CACNA1A: variants seen among roughly 807,000 people sequenced by gnomAD.
CACNA1A encodes calcium voltage-gated channel subunit alpha1 A.
CACNA1A carries 57 observed loss-of-function variants against 262.4 expected under a neutral mutation model. The ratio of observed to expected loss-of-function variants is 0.22; its 90% CI spans 0.18 to 0.27. CACNA1A has a LOEUF of 0.27. Among genes scored for constraint, CACNA1A ranks in the 10% least tolerant of loss-of-function variants. The pLI is 1.00. For synonymous variants in CACNA1A, 1,431 were observed against 1,419.3 expected (o/e 1.01, Z -0.18); for missense variants, 2,526 against 3,562.8 (o/e 0.71, Z 7.41).
rs371358599 is a variant in CACNA1A, at chr19:13,321,605, C to A, written c.1346-4284G>T. On this transcript the variant is annotated intron_variant, in intron 10 of 46. Transcript: ENST00000360228. Reference sequence around the variant, plus strand: ...TTGTAGCTCCTCGGCTACAAACCTGCCCAGCATGTTACTGTACTTAATACT... The same window carrying A: ...TTGTAGCTCCTCGGCTACAAACCTGACCAGCATGTTACTGTACTTAATACT... Among the ~76,000 whole-genome samples, 5 of 152,174 alleles carry A rather than the reference C, an allele frequency of 3.3e-5. No homozygotes were observed. In the East Asian group the frequency reaches 7.7e-4, roughly 24 times the overall value.
intron 3 of CACNA1A, among the ~76,000 whole-genome samples, chr19:13,405,572 G>A (rs905516666): frequency 1.2e-4 from 19 of 152,130 alleles, no homozygotes; most frequent in African/African-American, 3.6e-4. Flanking sequence ...CTTACAAGGA[G>A]CCGGATACTG....
In CACNA1A at chr19:13,236,803, C is replaced by G. The variant is rs2055892679; in HGVS notation, c.4951-1073G>C. On this transcript the variant is annotated intron_variant, in intron 31 of 46. Transcript: ENST00000360228. This position sits in a 1 kb window ranked among gnomAD's most constrained non-coding sequence, Gnocchi z 4.6. Reference sequence around the variant, plus strand: ...AGTCACTGCCTCTGCCTCCTCCCACCCAAGCTAGAAGAACCAGGGGGCCAG... The same window carrying G: ...AGTCACTGCCTCTGCCTCCTCCCACGCAAGCTAGAAGAACCAGGGGGCCAG... Among the ~76,000 whole-genome samples, 1 of 152,008 alleles carries G rather than the reference C, an allele frequency of 6.6e-6. No individual in the cohort carries two copies. Among genetic ancestry groups the G allele is most frequent in the African/African-American group, 2.4e-5 (1 of 41,388 alleles).
At chr19:13,261,183 G>A (rs2056726185) in intron 26 of CACNA1A, 1 of 373,672 alleles carries the variant, frequency 2.7e-6, no homozygotes, top group Non-Finnish European at 4.8e-6. Context: ...AAGGAACTGT[G>A]GATGTGTATT....
At chr19:13,350,533 G>A (rs1283846057) in intron 6 of CACNA1A, among the ~76,000 whole-genome samples, 6 of 152,124 alleles carry the variant, frequency 3.9e-5, no homozygotes, top group South Asian at 2.1e-4. Flanking sequence ...GTGGCAAACC[G>A]CAGAATCAGT....
intron 6 of CACNA1A, among the ~76,000 whole-genome samples, chr19:13,355,767 A>C (rs1435844720): frequency 6.6e-6 from 1 of 152,148 alleles, no homozygotes; most frequent in Non-Finnish European, 1.5e-5. Flanking sequence ...GGGTTTCCTG[A>C]CAGAAACCTT....
chr19:13,321,707 A>G (rs577400484), intron 10 of CACNA1A, among the ~76,000 whole-genome samples: 1 of 152,284 alleles, frequency 6.6e-6, no homozygotes, highest in South Asian at 2.1e-4. Flanking sequence ...AAAACACAGT[A>G]TAAAAGAGAA....
chr19:13,310,540 T>G (rs2058014358), intron 12 of CACNA1A, among the ~76,000 whole-genome samples: 3 of 127,654 alleles, frequency 2.4e-5, no homozygotes, highest in East Asian at 2.4e-4. Flanking sequence ...AGTTTAATTT[T>G]GTCCACTTGA....
chr19:13,428,801 C>T (rs933535813), intron 3 of CACNA1A, among the ~76,000 whole-genome samples: 2 of 152,002 alleles, frequency 1.3e-5, no homozygotes, highest in Non-Finnish European at 2.9e-5. Context: ...ACGTAGACCC[C>T]GAGAGCCCTC....
At chr19:13,404,193 C>CAG (rs2059961437) in intron 3 of CACNA1A, among the ~76,000 whole-genome samples, 1 of 148,114 alleles carries the variant, frequency 6.8e-6, no homozygotes, top group African/African-American at 2.7e-5. Flanking sequence ...CACATATACA[C>CAG]ACACACACAC....
At position 13,224,617 on chromosome 19, in the gene CACNA1A, C is replaced by A. The variant is rs147309110; in HGVS notation, c.5731+50G>T. 6.3e-6 allele frequency: 8 copies of A among 1,270,732 alleles called. No individual in the cohort carries two copies. In the Admixed American group the frequency reaches 7.9e-5, roughly 13 times the overall value. 78.7% of individuals were successfully genotyped at this position (1,270,732 alleles called of 1,614,324 possible). On this transcript the variant is annotated intron_variant, in intron 38 of 46. Coordinates refer to ENST00000360228, the MANE Select transcript of CACNA1A (RefSeq NM_001127222.2). ...AGTTTGGGGTAGGGAGGGAGATCCC[C>A]GGTTCCACCCTGTCACGCCTGTCTG...
intron 1 of CACNA1A, 62 bp from the exon 2 acceptor site, chr19:13,455,274 C>T (rs545236700): frequency 1.0e-5 from 9 of 899,306 alleles, no homozygotes; most frequent in Non-Finnish European, 1.7e-5. Context: ...GGTGCACCCA[C>T]CCCCACTGAC....
At chr19:13,396,668 GAAT>G in intron 3 of CACNA1A, among the ~76,000 whole-genome samples, 1 of 152,274 alleles carries the variant, frequency 6.6e-6, no homozygotes, top group East Asian at 1.9e-4. Flanking sequence ...CTCTGCAGTT[GAAT>G]TATAGAGTGG....
chr19:13,400,020 C>T (rs935718113), intron 3 of CACNA1A, among the ~76,000 whole-genome samples: 4 of 152,146 alleles, frequency 2.6e-5, no homozygotes, highest in South Asian at 2.1e-4. Context: ...AAAATACCTA[C>T]GCAGTGTTGC....
intron 23 of CACNA1A, 43 bp downstream of exon 23, chr19:13,277,023 TAAA>T: frequency 8.6e-7 from 1 of 1,157,452 alleles, no homozygotes; most frequent in Non-Finnish European, 1.2e-6. Flanking sequence ...TGCACTTGCT[TAAA>T]AAAAAAAATT....
chr19:13,376,562 CATA>C (rs1311374394), intron 3 of CACNA1A, among the ~76,000 whole-genome samples: 3 of 148,670 alleles, frequency 2.0e-5, no homozygotes, highest in Non-Finnish European at 4.5e-5. Context: ...ATATATAACA[CATA>C]ATATATGTTA....
At chr19:13,273,673 TCA>T (rs2057078412) in intron 24 of CACNA1A, 1 of 150,012 alleles carries the variant, frequency 6.7e-6, no homozygotes, top group African/African-American at 2.5e-5. Context: ...TTTGTACTCA[TCA>T]CTATTAAAAT....
intron 8 of CACNA1A, 35 bp from the exon 9 acceptor site, chr19:13,332,960 T>TCCA: frequency 6.5e-7 from 1 of 1,543,656 alleles, no homozygotes; most frequent in Non-Finnish European, 8.9e-7. Context: ...AGCTCCTGCA[T>TCCA]TTGGAGGATG....
rs1166061004 is a variant in CACNA1A, at chr19:13,214,264, G to A, written c.5909C>T (p.Ala1970Val). The change falls in exon 40 of 47, where the codon GCC becomes GTC. Residue 1970 changes from alanine (A) to valine (V), a missense_variant. Around this residue, in one of 17 missense-constraint regions of CACNA1A, gnomAD observed 929 missense variants for 868.1 expected, o/e 1.07. Coordinates refer to ENST00000360228, the MANE Select transcript of CACNA1A (RefSeq NM_001127222.2). The surrounding 1 kb of genome is among the most constrained non-coding windows in gnomAD (Gnocchi z 4.1). ...CTCGCGCATGGCCTGCAGCTTCTTG[G>A]CCTTGCTCTGCCGGTAGTACTCCAT... ...MIMEYYRQSKAKKLQAMREEQ... is the reference protein window; with the variant it reads ...MIMEYYRQSKVKKLQAMREEQ... 1.2e-6 allele frequency: 2 copies of A among 1,611,416 alleles called. No individual in the cohort carries two copies. Among genetic ancestry groups the A allele is most frequent in the South Asian group, 1.1e-5 (1 of 91,066 alleles).
chr19:13,323,463 T>C (rs1396523244), intron 10 of CACNA1A, among the ~76,000 whole-genome samples: 1 of 152,124 alleles, frequency 6.6e-6, no homozygotes, highest in Non-Finnish European at 1.5e-5. Context: ...CACATTTTTA[T>C]TTTTTATTTT....
Sources: gnomAD v4.1 joint callset for allele counts (sites outside exome capture counted in the v4.1 genomes callset) on GRCh38, gnomAD v4.1.1 for gene constraint, gnomAD v4.1.1 regional missense constraint, Gnocchi (gnomAD v3.1) non-coding constraint, MANE v1.5 for transcripts, NCBI Gene and HGNC (gene_info 2026-07-23, HGNC 2026-07-21) for gene names.